The following FERRY3 variants were observed in gnomAD, a reference collection of about 807,000 sequenced individuals.
The protein encoded by FERRY3 is protein C12orf4.
the FERRY3 span, among the ~76,000 whole-genome samples, chr12:4,510,582 G>A: frequency 6.0e-5 from 9 of 150,594 alleles, no homozygotes; most frequent in African/African-American, 1.5e-4. Context: ...GAGAGTGGGG[G>A]CCAATATTCA....
At chr12:4,515,167 T>C in the FERRY3 span, among the ~76,000 whole-genome samples, 2 of 152,202 alleles carry the variant, frequency 1.3e-5, no homozygotes, top group Non-Finnish European at 1.5e-5. Context: ...GAAATTTTTC[T>C]TTTACCTGCC....
chr12:4,505,379 A>G, the FERRY3 span: 9,832 of 1,590,958 alleles, frequency 6.2e-3, 495 homozygotes, highest in African/African-American at 0.11. Flanking sequence ...GGTTTCCAGA[A>G]TCTATTCATA....
At chr12:4,511,788 G>A in the FERRY3 span, among the ~76,000 whole-genome samples, 63 of 140,576 alleles carry the variant, frequency 4.5e-4, no homozygotes, top group Non-Finnish European at 1.2e-4. Context: ...GAGAAAGCAG[G>A]AAAGATCCAA....
At chr12:4,513,900 T>G in the FERRY3 span, among the ~76,000 whole-genome samples, 1 of 152,020 alleles carries the variant, frequency 6.6e-6, no homozygotes, top group Non-Finnish European at 1.5e-5. Context: ...AAATGGGATC[T>G]AATTAAACCA....
chr12:4,534,203 A>C, the FERRY3 span: 1 of 1,612,440 alleles, frequency 6.2e-7, no homozygotes. Context: ...ATGTAAATCT[A>C]CTTCACCTGA....
At chr12:4,522,384 T>C in the FERRY3 span, among the ~76,000 whole-genome samples, 1 of 152,146 alleles carries the variant, frequency 6.6e-6, no homozygotes, top group East Asian at 1.9e-4. Context: ...TAAAGAACTC[T>C]CACAACTCAA....
At chr12:4,496,306 T>A in the FERRY3 span, among the ~76,000 whole-genome samples, 1 of 152,074 alleles carries the variant, frequency 6.6e-6, no homozygotes, top group African/African-American at 2.4e-5. Context: ...TCACCATGAG[T>A]TGTGGTCAGC....
the FERRY3 span, among the ~76,000 whole-genome samples, chr12:4,497,353 G>A: frequency 2.0e-5 from 3 of 152,184 alleles, no homozygotes; most frequent in Admixed American, 2.0e-4. Flanking sequence ...CTTGAGGAGG[G>A]AGTGTGGTTT....
chr12:4,525,096 C>A, the FERRY3 span: 1 of 863,598 alleles, frequency 1.2e-6, no homozygotes. Flanking sequence ...CACATAAAGC[C>A]TATAATGCAA....
chr12:4,505,375 C>G, the FERRY3 span: 6 of 1,598,382 alleles, frequency 3.8e-6, no homozygotes, highest in Non-Finnish European at 4.3e-6. Flanking sequence ...TTTTGGTTTC[C>G]AGAATCTATT....
the FERRY3 span, among the ~76,000 whole-genome samples, chr12:4,517,416 T>C: frequency 6.6e-6 from 1 of 152,030 alleles, no homozygotes; most frequent in African/African-American, 2.4e-5. Flanking sequence ...TATTGACATT[T>C]CTTTGTTAAT....
At chr12:4,500,644 CAAATTAATTAAT>C in the FERRY3 span, among the ~76,000 whole-genome samples, 1 of 151,558 alleles carries the variant, frequency 6.6e-6, no homozygotes, top group Non-Finnish European at 1.5e-5. Flanking sequence ...CCCAAGATGT[CAAATTAATTAAT>C]TAATTAATTA....
the FERRY3 span, among the ~76,000 whole-genome samples, chr12:4,494,228 TA>T: frequency 6.0e-5 from 9 of 149,808 alleles, no homozygotes; most frequent in South Asian, 2.1e-4. Context: ...TTTATAAATT[TA>T]AAAAAAAAAG....
At chr12:4,489,883 A>G in the FERRY3 span, 14 of 1,606,886 alleles carry the variant, frequency 8.7e-6, no homozygotes, top group Admixed American at 1.7e-5. Flanking sequence ...TTGATAAAAC[A>G]TTTCTTCAGA....
chr12:4,518,014 CA>C, the FERRY3 span: 13 of 1,537,834 alleles, frequency 8.5e-6, no homozygotes, highest in East Asian at 2.5e-4. Context: ...AATGGTGTTA[CA>C]GGATGAAATT....
the FERRY3 span, among the ~76,000 whole-genome samples, chr12:4,492,347 C>A: frequency 6.6e-6 from 1 of 152,144 alleles, no homozygotes; most frequent in African/African-American, 2.4e-5. Flanking sequence ...TATATTATCA[C>A]ACAGCACGTA....
chr12:4,493,801 GT>G, the FERRY3 span, among the ~76,000 whole-genome samples: 4 of 152,106 alleles, frequency 2.6e-5, no homozygotes, highest in Admixed American at 1.3e-4. Flanking sequence ...ACTAAGAAAT[GT>G]CTACAGCTGG....
At chr12:4,527,472 A>ATACTT in the FERRY3 span, among the ~76,000 whole-genome samples, 1 of 152,162 alleles carries the variant, frequency 6.6e-6, no homozygotes, top group Non-Finnish European at 1.5e-5. Context: ...TATCTTGAAG[A>ATACTT]TACTTTAAGA....
the FERRY3 span, among the ~76,000 whole-genome samples, chr12:4,519,165 T>C: frequency 3.3e-5 from 5 of 152,208 alleles, no homozygotes; most frequent in Non-Finnish European, 4.4e-5. The surrounding 1 kb of genome is among the most constrained non-coding windows in gnomAD (Gnocchi z 4.3). Flanking sequence ...CCTAAGAGAA[T>C]GATTAAATGA....
Sources: allele counts gnomAD v4.1 joint callset (sites outside exome capture counted in the v4.1 genomes callset), GRCh38; gene constraint gnomAD v4.1.1; non-coding constraint Gnocchi (gnomAD v3.1); transcripts MANE v1.5; gene names NCBI Gene and HGNC (gene_info 2026-07-23, HGNC 2026-07-21).